CMSS1: variants seen among roughly 807,000 people sequenced by gnomAD.
The protein encoded by CMSS1 is cms1 ribosomal small subunit homolog.
In CMSS1, 33 loss-of-function variants were observed where a neutral mutation model predicts 43.5. The observed-to-expected ratio is 0.76, with a 90% CI of 0.57 to 1.01. The LOEUF is 1.01. Among genes scored for constraint, CMSS1 ranks in the 50% least tolerant of loss-of-function variants. CMSS1 has a pLI of 0.00. For synonymous variants in CMSS1, 115 were observed against 117.2 expected (o/e 0.98, Z 0.12); for missense variants, 313 against 326.4 (o/e 0.96, Z 0.32).
chr3:99,980,899 C>T (rs551434229), intron 1 of CMSS1, among the ~76,000 whole-genome samples: 163 of 152,220 alleles, frequency 1.1e-3, no homozygotes, highest in South Asian at 5.4e-3. Flanking sequence ...AGGTTTGAAT[C>T]GGGTACTTGA....
intron 1 of CMSS1, among the ~76,000 whole-genome samples, chr3:100,073,370 G>T (rs1477828313): frequency 4.6e-5 from 7 of 152,114 alleles, no homozygotes. Flanking sequence ...AAGTTTGCTG[G>T]CCCAGGACAG....
chr3:99,856,888 T>G (rs1211719447), intron 1 of CMSS1, among the ~76,000 whole-genome samples: 1 of 152,210 alleles, frequency 6.6e-6, no homozygotes, highest in Non-Finnish European at 1.5e-5. Flanking sequence ...ACATGGTATA[T>G]CTAAATGCTA....
At chr3:99,922,246 G>A (rs1707148599) in intron 1 of CMSS1, among the ~76,000 whole-genome samples, 1 of 152,182 alleles carries the variant, frequency 6.6e-6, no homozygotes, top group African/African-American at 2.4e-5. Context: ...GGCCAAATGA[G>A]GCCACTAGTG....
intron 1 of CMSS1, chr3:99,849,304 G>A: frequency 6.2e-7 from 1 of 1,614,074 alleles, no homozygotes; most frequent in Non-Finnish European, 8.5e-7. Flanking sequence ...TTGAGGATCG[G>A]AAATTCTTCT....
chr3:99,824,152 A>G (rs1051639791), intron 1 of CMSS1, among the ~76,000 whole-genome samples: 2 of 151,830 alleles, frequency 1.3e-5, no homozygotes, highest in African/African-American at 4.8e-5. Context: ...CGAACTCCTG[A>G]GCTCTTGATC....
Position 100,013,274 on chromosome 3 carries a change from T to C in CMSS1, c.65-133699T>C, listed in dbSNP as rs186406207. ...GTTGTTGTTGTTTGAGATGGAGTCT[T>C]GCTCTGTCACCCAGGCTGGAGTGCA... On this transcript the variant is annotated intron_variant, in intron 1 of 9. Coordinates refer to ENST00000421999, the MANE Select transcript of CMSS1 (RefSeq NM_032359.4). 1.9e-3 allele frequency among the ~76,000 whole-genome samples: 287 copies of C among 151,316 alleles called. 2 individuals are homozygous for C. The highest frequency in any genetic ancestry group is 3.7e-3 in the Admixed American group (56 of 15,176).
At chr3:99,961,728 C>T (rs1467921633) in intron 1 of CMSS1, among the ~76,000 whole-genome samples, 1 of 152,124 alleles carries the variant, frequency 6.6e-6, no homozygotes, top group Non-Finnish European at 1.5e-5. Context: ...GAATATTCTT[C>T]TCCTTCCAAG....
chr3:99,886,656 A>G (rs955033217), intron 1 of CMSS1, among the ~76,000 whole-genome samples: 2 of 152,186 alleles, frequency 1.3e-5, no homozygotes, highest in South Asian at 2.1e-4. Context: ...AGAATATTTT[A>G]AAAATATCAG....
At chr3:99,836,328 G>T (rs1249758863) in intron 1 of CMSS1, among the ~76,000 whole-genome samples, 2 of 152,134 alleles carry the variant, frequency 1.3e-5, no homozygotes, top group Non-Finnish European at 2.9e-5. Context: ...AGTGGGGAAG[G>T]TGATGGACCA....
rs1284774939 is a variant in CMSS1 at position 100,172,313 on chromosome 3, C to T, written c.580-3C>T. On this transcript the variant is annotated splice_polypyrimidine_tract_variant and splice_region_variant and intron_variant, in intron 7 of 9. Transcript: ENST00000421999. Reference sequence around the variant, plus strand: ...TTCTTTCTTCTCTTTCATCTTGGAACAGGTCCAGGCGCAGGTAAAGTTGCT... The same window carrying T: ...TTCTTTCTTCTCTTTCATCTTGGAATAGGTCCAGGCGCAGGTAAAGTTGCT... 1.9e-6 allele frequency: 3 copies of T among 1,612,938 alleles called. No individual in the cohort carries two copies. The African/African-American group carries it at 4.0e-5, about 22-fold the overall frequency.
intron 1 of CMSS1, among the ~76,000 whole-genome samples, chr3:100,117,858 T>TAC (rs1175130206): frequency 2.9e-5 from 3 of 103,402 alleles, no homozygotes; most frequent in African/African-American, 8.5e-5. Context: ...TATATACATA[T>TAC]ATATATATAT....
At chr3:100,178,233 T>C (rs1410212576) in intron 9 of CMSS1, 72 bp from the exon 10 acceptor site, 5 of 853,992 alleles carry the variant, frequency 5.9e-6, no homozygotes, top group Middle Eastern at 4.4e-4. Flanking sequence ...GGAGTCCTGA[T>C]GGTTGAATGT....
chr3:99,866,336 G>C (rs543590799), intron 1 of CMSS1, among the ~76,000 whole-genome samples: 1 of 152,246 alleles, frequency 6.6e-6, no homozygotes, highest in African/African-American at 2.4e-5. Flanking sequence ...CACAGAGGCA[G>C]TGGCTAAAGT....
intron 1 of CMSS1, among the ~76,000 whole-genome samples, chr3:99,845,904 T>C (rs540430072): frequency 6.6e-6 from 1 of 152,338 alleles, no homozygotes; most frequent in Admixed American, 6.5e-5. Context: ...TTGGTAAATT[T>C]CCAGTTATGT....
chr3:99,901,592 A>T (rs191146762), intron 1 of CMSS1, among the ~76,000 whole-genome samples: 48 of 152,338 alleles, frequency 3.2e-4, no homozygotes, highest in African/African-American at 1.2e-3. Flanking sequence ...GCTGACAATA[A>T]TATTACATAG....
At chr3:99,818,845 T>C (rs1014001931) in intron 1 of CMSS1, among the ~76,000 whole-genome samples, 1 of 152,230 alleles carries the variant, frequency 6.6e-6, no homozygotes, top group Non-Finnish European at 1.5e-5. Flanking sequence ...GGGCATTTCA[T>C]CCCCAAGTAG....
intron 1 of CMSS1, among the ~76,000 whole-genome samples, chr3:99,878,850 A>G (rs930131447): frequency 1.3e-5 from 2 of 152,210 alleles, no homozygotes; most frequent in Non-Finnish European, 2.9e-5. Context: ...ACATAAGTAG[A>G]TGAGTAGACT....
intron 1 of CMSS1, among the ~76,000 whole-genome samples, chr3:100,128,598 G>C (rs919233859): frequency 2.6e-5 from 4 of 152,130 alleles, no homozygotes; most frequent in African/African-American, 9.7e-5. Flanking sequence ...CCAAGACCTA[G>C]AACATTTTCA....
intron 1 of CMSS1, among the ~76,000 whole-genome samples, chr3:99,825,021 T>C (rs1942511117): frequency 6.6e-6 from 1 of 152,242 alleles, no homozygotes; most frequent in South Asian, 2.1e-4. Flanking sequence ...ACCCAGGTTT[T>C]TTTGTTCTGT....
Sources: gnomAD v4.1 joint callset for allele counts (sites outside exome capture counted in the v4.1 genomes callset) on GRCh38, gnomAD v4.1.1 for gene constraint, MANE v1.5 for transcripts, NCBI Gene and HGNC (gene_info 2026-07-23, HGNC 2026-07-21) for gene names.